The following AXDND1 variants were observed in gnomAD, a reference collection of about 807,000 sequenced individuals.
AXDND1 encodes axonemal dynein light chain domain containing 1, also known as axonemal dynein light chain domain-containing protein 1.
In AXDND1, 110 loss-of-function variants were observed where a neutral mutation model predicts 137.5. That is an observed-to-expected ratio of 0.80 (90% confidence interval 0.69 to 0.94). The LOEUF (loss-of-function observed/expected upper bound fraction) is 0.94. Ranked by LOEUF, AXDND1 falls within the 40% of genes least tolerant of loss-of-function variation. The pLI is 0.00. For missense variants in AXDND1, 1,191 were observed against 1,169.8 expected (o/e 1.02, Z -0.26); for synonymous variants, 414 against 399.7 (o/e 1.04, Z -0.43).
chr1:179,531,976 G>A (rs1412642608), intron 23 of AXDND1, among the ~76,000 whole-genome samples: 1 of 152,226 alleles, frequency 6.6e-6, no homozygotes, highest in Non-Finnish European at 1.5e-5. Context: ...AGTCTGAGAA[G>A]AAGGCTTGTG....
At chr1:179,410,912 G>T (rs181136932) in intron 11 of AXDND1, among the ~76,000 whole-genome samples, 36 of 152,206 alleles carry the variant, frequency 2.4e-4, no homozygotes, top group Non-Finnish European at 5.0e-4. Flanking sequence ...CAGTATATGA[G>T]ATTTTTACTT....
chr1:179,490,360 T>C (rs1300598995), intron 18 of AXDND1, among the ~76,000 whole-genome samples: 1 of 152,202 alleles, frequency 6.6e-6, no homozygotes, highest in Non-Finnish European at 1.5e-5. Flanking sequence ...GTATGGTGTG[T>C]CTGAATTTTG....
At chr1:179,459,418 C>A (rs1202176934) in intron 16 of AXDND1, among the ~76,000 whole-genome samples, 3 of 151,976 alleles carry the variant, frequency 2.0e-5, no homozygotes, top group East Asian at 1.9e-4. Context: ...TTTATATAAT[C>A]AAAATAAATG....
intron 25 of AXDND1, among the ~76,000 whole-genome samples, chr1:179,539,124 G>A (rs1221652147): frequency 4.6e-5 from 7 of 152,086 alleles, no homozygotes; most frequent in African/African-American, 1.7e-4. Context: ...GCACACTGAT[G>A]GGTCTTGACT....
intron 10 of AXDND1, 42 bp from the exon 11 acceptor site, chr1:179,395,056 A>T (rs765434073): frequency 6.5e-7 from 1 of 1,542,874 alleles, no homozygotes; most frequent in Admixed American, 2.0e-5. Context: ...ACTTTTTGGA[A>T]ATCTCCAAAT....
At position 179,419,377 on chromosome 1, in the gene AXDND1, C is replaced by T. The variant is rs1022085570; in HGVS notation, c.1230+8111C>T. 6.4e-4 allele frequency among the ~76,000 whole-genome samples: 97 copies of T among 151,126 alleles called. 1 individual carries two copies. The East Asian group carries it at 0.015, about 23-fold the overall frequency. ...CTGCAATCCCGGCACCTCGGGAGGC[C>T]AAGGCTGGCGGATCACTCGCGGTTA... is the stretch of plus-strand genomic sequence containing the variant. On this transcript the variant is annotated intron_variant, in intron 12 of 25. Coordinates refer to ENST00000367618, the MANE Select transcript of AXDND1 (RefSeq NM_144696.6).
chr1:179,533,720 C>T, intron 23 of AXDND1, 75 bp from the exon 24 acceptor site: 1 of 1,173,170 alleles, frequency 8.5e-7, no homozygotes, highest in Non-Finnish European at 1.3e-6. Context: ...AGGTTTGATC[C>T]AGAACATCCT....
At chr1:179,545,091 T>C (rs1408305564) in intron 25 of AXDND1, 1 of 152,262 alleles carries the variant, frequency 6.6e-6, no homozygotes, top group Non-Finnish European at 1.5e-5. Flanking sequence ...AGAGATGGAC[T>C]AACCTGCAAA....
chr1:179,433,601 C>T (rs946230543), intron 15 of AXDND1, among the ~76,000 whole-genome samples: 3 of 152,216 alleles, frequency 2.0e-5, no homozygotes, highest in Non-Finnish European at 4.4e-5. Context: ...TTCTTGATTT[C>T]TGCCTTAATT....
intron 18 of AXDND1, among the ~76,000 whole-genome samples, chr1:179,489,337 A>G (rs12758828): frequency 0.2 from 30,678 of 152,082 alleles, 3,228 homozygotes; most frequent in Non-Finnish European, 0.23. Flanking sequence ...TCTACCATTT[A>G]ATCTCTCTAA....
chr1:179,383,389 A>C (rs1571571962), intron 7 of AXDND1, 53 bp from the exon 8 acceptor site: 1 of 1,344,122 alleles, frequency 7.4e-7, no homozygotes, highest in Non-Finnish European at 1.1e-6. Flanking sequence ...TTGCCATTTG[A>C]GAATTCCCTG....
intron 22 of AXDND1, among the ~76,000 whole-genome samples, chr1:179,527,807 C>G (rs1387713703): frequency 1.3e-5 from 2 of 152,086 alleles, no homozygotes; most frequent in Non-Finnish European, 2.9e-5. Context: ...GGATAAGACC[C>G]CTTTTCTGGT....
intron 16 of AXDND1, chr1:179,448,520 G>C (rs1052575880): frequency 2.3e-5 from 8 of 342,130 alleles, no homozygotes; most frequent in African/African-American, 4.4e-5. Flanking sequence ...GTAATGCATC[G>C]TACAGCTTCT....
chr1:179,433,112 G>C (rs1008406707), intron 15 of AXDND1, among the ~76,000 whole-genome samples: 1 of 152,138 alleles, frequency 6.6e-6, no homozygotes, highest in African/African-American at 2.4e-5. Context: ...AGGGTGATGT[G>C]TCCAGGAATT....
At chr1:179,403,190 A>G (rs1009035544) in intron 11 of AXDND1, among the ~76,000 whole-genome samples, 1 of 152,206 alleles carries the variant, frequency 6.6e-6, no homozygotes, top group African/African-American at 2.4e-5. Context: ...TAAGCTAGAG[A>G]AAAGAAAATA....
chr1:179,415,150 TG>T (rs1654505233), intron 12 of AXDND1, among the ~76,000 whole-genome samples: 1 of 152,184 alleles, frequency 6.6e-6, no homozygotes, highest in Admixed American at 6.5e-5. Context: ...AAGACCAGCC[TG>T]GCCAACATGG....
At chr1:179,418,465 C>T (rs921711019) in intron 12 of AXDND1, among the ~76,000 whole-genome samples, 3 of 152,362 alleles carry the variant, frequency 2.0e-5, no homozygotes, top group East Asian at 1.9e-4. Flanking sequence ...TCCACAAAAC[C>T]GCCATTGTCA....
intron 4 of AXDND1, among the ~76,000 whole-genome samples, chr1:179,373,605 C>G (rs1668265529): frequency 6.6e-6 from 1 of 152,170 alleles, no homozygotes; most frequent in Non-Finnish European, 1.5e-5. Flanking sequence ...ACCAAAACAG[C>G]ATGGTACTGG....
chr1:179,436,427 A>T (rs150957164), intron 15 of AXDND1, among the ~76,000 whole-genome samples: 4,926 of 152,318 alleles, frequency 0.032, 108 homozygotes, highest in Middle Eastern at 0.071. Context: ...AACAGCAAAG[A>T]CATGGAACCA....
Sources: gnomAD v4.1 joint callset for allele counts (sites outside exome capture counted in the v4.1 genomes callset) on GRCh38, gnomAD v4.1.1 for gene constraint, MANE v1.5 for transcripts, NCBI Gene and HGNC (gene_info 2026-07-23, HGNC 2026-07-21) for gene names.